The following HECTD4 variants were observed in gnomAD, a reference collection of about 807,000 sequenced individuals.
The protein encoded by HECTD4 is HECT domain E3 ubiquitin protein ligase 4.
HECTD4 carries 114 observed loss-of-function variants against 471.5 expected under a neutral mutation model. The observed-to-expected ratio is 0.24, with a 90% CI of 0.21 to 0.28. The LOEUF is 0.28. Ranked by LOEUF, HECTD4 falls within the 10% of genes least tolerant of loss-of-function variation. HECTD4 has a pLI of 1.00. For synonymous variants in HECTD4, 2,012 were observed against 2,256.0 expected (o/e 0.89, Z 3.07); for missense variants, 3,866 against 5,651.5 (o/e 0.68, Z 10.13).
chr12:112,238,332 C>T (rs2033563037), intron 34 of HECTD4, among the ~76,000 whole-genome samples: 1 of 152,128 alleles, frequency 6.6e-6, no homozygotes, highest in South Asian at 2.1e-4. Context: ...CCCACTTCAG[C>T]CTTCTGAGTG....
intron 1 of HECTD4, chr12:112,323,053 C>A: frequency 4.6e-6 from 1 of 216,068 alleles, no homozygotes; most frequent in Non-Finnish European, 9.1e-6. Flanking sequence ...AAGGAACTTG[C>A]CAAGATGGTA....
intron 70 of HECTD4, 121 bp from the exon 71 acceptor site, chr12:112,168,038 C>T (rs892730525): frequency 1.1e-5 from 9 of 819,260 alleles, no homozygotes; most frequent in East Asian, 2.6e-5. Flanking sequence ...GCCGCTGTGG[C>T]GGGGTAGAAA....
At chr12:112,248,576 T>C (rs1295017565) in intron 25 of HECTD4, 64 bp from the exon 26 acceptor site, 4 of 1,078,302 alleles carry the variant, frequency 3.7e-6, no homozygotes, top group African/African-American at 1.6e-5. Context: ...TACTGTATTT[T>C]ATTTTTATTT....
At chr12:112,355,270 G>A (rs1180507447) in intron 1 of HECTD4, among the ~76,000 whole-genome samples, 3 of 145,716 alleles carry the variant, frequency 2.1e-5, no homozygotes, top group South Asian at 2.2e-4. Flanking sequence ...CCACCGCGCC[G>A]GGCGCCAAAT....
intron 9 of HECTD4, among the ~76,000 whole-genome samples, chr12:112,276,723 C>T (rs1221868971): frequency 6.6e-6 from 1 of 152,164 alleles, no homozygotes; most frequent in African/African-American, 2.4e-5. Flanking sequence ...GGATTACAGG[C>T]GTGAGCCACT....
At position 112,379,221 on chromosome 12, in the gene HECTD4, G is replaced by A. The variant is rs190412590; in HGVS notation, c.177+2731C>T. Among the ~76,000 whole-genome samples the A allele has an allele frequency of 1.4e-3, 206 of 152,312 alleles. 2 individuals carry two copies. Among genetic ancestry groups the A allele is most frequent in the Non-Finnish European group, 5.1e-4 (35 of 68,028 alleles). ...AAATATTATGATGAGGAGCAGATGTGCAGTGAACAGAACTAGGTTAACGTG... is the reference window on the plus strand; with the variant it reads ...AAATATTATGATGAGGAGCAGATGTACAGTGAACAGAACTAGGTTAACGTG... On this transcript the variant is annotated intron_variant, in intron 1 of 75. Coordinates refer to ENST00000682272, the MANE Select transcript of HECTD4 (RefSeq NM_001388303.1).
rs1593976131 is a variant in HECTD4, at chr12:112,250,331, T to A, written c.3763A>T (p.Thr1255Ser). The change falls in exon 25 of 76, where the codon ACT becomes TCT. Residue 1255 changes from threonine (T) to serine (S), a missense_variant. Coordinates refer to ENST00000682272, the MANE Select transcript of HECTD4 (RefSeq NM_001388303.1). ...EANGVISPALTPSPSPLPLTI... is the reference protein window; with the variant it reads ...EANGVISPALSPSPSPLPLTI... ...AGAGGCAGTGGAGAGGGGCTCGGAG[T>A]AAGGGCAGGGGAGATCACGCCATTG... is the stretch of plus-strand genomic sequence containing the variant. The A allele has an allele frequency of 6.2e-7, 1 of 1,613,808 alleles. No homozygotes were observed. Among genetic ancestry groups the A allele is most frequent in the Non-Finnish European group, 8.5e-7 (1 of 1,179,842 alleles).
Position 112,179,238 on chromosome 12 carries a change from A to T in HECTD4, c.11147T>A (p.Leu3716His). Reference protein sequence around the residue: ...EQINSQTPGNLLHLFFTNVRP... With the variant: ...EQINSQTPGNHLHLFFTNVRP... Reference sequence around the variant, plus strand: ...GACATTGGTGAAGAAGAGGTGGAGGAGGTTGCCTGGGGTCTGGGAGTTGAT... The same window carrying T: ...GACATTGGTGAAGAAGAGGTGGAGGTGGTTGCCTGGGGTCTGGGAGTTGAT... The change falls in exon 63 of 76, where the codon CTC (leucine) becomes CAC (histidine). Residue 3716 changes from leucine to histidine, a missense_variant. By Grantham distance (99) the Leu-to-His change is moderately conservative. Transcript: ENST00000682272. The surrounding 1 kb of genome is among the most constrained non-coding windows in gnomAD (Gnocchi z 4.3). The T allele has an allele frequency of 6.2e-7, 1 of 1,613,744 alleles. No homozygotes were observed. Among genetic ancestry groups the T allele is most frequent in the East Asian group, 2.2e-5 (1 of 44,864 alleles).
intron 59 of HECTD4, 92 bp downstream of exon 59, chr12:112,192,468 T>A (rs916162830): frequency 1.0e-6 from 1 of 983,774 alleles, no homozygotes; most frequent in Non-Finnish European, 1.4e-6. Context: ...AACTGGAACA[T>A]GCAAGGTACA....
At chr12:112,286,570 T>C (rs2034759240) in intron 7 of HECTD4, among the ~76,000 whole-genome samples, 1 of 152,052 alleles carries the variant, frequency 6.6e-6, no homozygotes, top group Non-Finnish European at 1.5e-5. Context: ...CACACGCCTG[T>C]AGTCCCTGCT....
intron 1 of HECTD4, among the ~76,000 whole-genome samples, chr12:112,367,205 G>A (rs919491166): frequency 1.3e-5 from 2 of 151,122 alleles, no homozygotes; most frequent in African/African-American, 4.9e-5. Flanking sequence ...GGGAGGCTGA[G>A]GCAGAATCAC....
At chr12:112,374,663 A>G (rs545976132) in intron 1 of HECTD4, among the ~76,000 whole-genome samples, 1 of 152,344 alleles carries the variant, frequency 6.6e-6, no homozygotes, top group African/African-American at 2.4e-5. Context: ...CTAGAATTCT[A>G]TAAAAGTACA....
chr12:112,319,725 G>A lies in HECTD4; in HGVS notation c.195C>T (p.Thr65=). The stretch of plus-strand genomic sequence containing the variant: ...GTTCTGCTAATTCCGACGGGTTCTT[G>A]GTCTCAAAGGTTAAAATCTAAGGAA... The part of the protein sequence containing the change: ...DTDLEILTFE[T]KNPSELAERL... The change falls in exon 2 of 76, where the codon ACC becomes ACT. Residue 65 remains threonine, a synonymous_variant. Coordinates refer to ENST00000682272, the MANE Select transcript of HECTD4 (RefSeq NM_001388303.1). The surrounding 1 kb of genome is among the most constrained non-coding windows in gnomAD (Gnocchi z 5.3). The A allele has an allele frequency of 8.0e-7, 1 of 1,245,904 alleles. No homozygotes were observed. The highest frequency in any genetic ancestry group is 1.0e-6 in the Non-Finnish European group (1 of 995,688). 77.2% of individuals were successfully genotyped at this position (1,245,904 alleles called of 1,614,324 possible).
At chr12:112,245,414 C>A (rs1223810378) in intron 29 of HECTD4, among the ~76,000 whole-genome samples, 2 of 152,200 alleles carry the variant, frequency 1.3e-5, no homozygotes, top group Non-Finnish European at 2.9e-5. Context: ...TGGGACAGTA[C>A]TAACAGCCTT....
chr12:112,379,190 G>A (rs1033120731), intron 1 of HECTD4, among the ~76,000 whole-genome samples: 8 of 152,150 alleles, frequency 5.3e-5, no homozygotes, highest in Non-Finnish European at 4.4e-5. Context: ...ATGCATGGAG[G>A]CAATAAAATA....
intron 61 of HECTD4, 108 bp from the exon 62 acceptor site, chr12:112,183,374 G>A: frequency 1.1e-6 from 1 of 890,996 alleles, no homozygotes; most frequent in South Asian, 1.6e-5. Flanking sequence ...TTCATCTGCA[G>A]AGATGTGAAA....
At chr12:112,282,094 T>A (rs1421099423) in intron 8 of HECTD4, among the ~76,000 whole-genome samples, 2 of 152,026 alleles carry the variant, frequency 1.3e-5, no homozygotes, top group African/African-American at 2.4e-5. Context: ...ACTTTAAAAG[T>A]GCAGAACAGC....
At position 112,314,528 on chromosome 12, in the gene HECTD4, G is replaced by A. The variant is rs1418373516; in HGVS notation, c.714C>T (p.Phe238=). Residue 238 remains phenylalanine (F), a synonymous_variant, in exon 3 of 76, where the codon TTC becomes TTT. Transcript: ENST00000682272. ...LACARGSLKT[F]VHTVHLLQKQ... ...TCTGTAATAGATGGACTGTGTGGAC[G>A]AAAGTTTTCAATGATCCCCTAAAAA... 4.6e-6 allele frequency: 7 copies of A among 1,524,060 alleles called. No individual in the cohort carries two copies. In the East Asian group the frequency reaches 7.3e-5, roughly 16 times the overall value. 94.4% of individuals were successfully genotyped at this position (1,524,060 alleles called of 1,614,324 possible).
intron 66 of HECTD4, 120 bp downstream of exon 66, chr12:112,175,616 C>T (rs76064441): frequency 5.5e-5 from 68 of 1,228,804 alleles, no homozygotes; most frequent in Admixed American, 2.3e-4. Context: ...TCAGAAATTA[C>T]GAAATAACTC....
Sources: allele counts gnomAD v4.1 joint callset (sites outside exome capture counted in the v4.1 genomes callset), GRCh38; gene constraint gnomAD v4.1.1; non-coding constraint Gnocchi (gnomAD v3.1); transcripts MANE v1.5; gene names NCBI Gene and HGNC (gene_info 2026-07-23, HGNC 2026-07-21).